The following FOXA2 variants were observed in gnomAD, a reference collection of about 807,000 sequenced individuals.
FOXA2 encodes the protein forkhead box A2, also known as hepatocyte nuclear factor 3-beta.
Under a neutral mutation model 33.3 loss-of-function variants are expected in FOXA2, and 9 were observed. That is an observed-to-expected ratio of 0.27 (90% CI 0.16 to 0.47). FOXA2 has a LOEUF of 0.47. FOXA2 is among the 20% of genes least tolerant of loss of function. The probability of loss-of-function intolerance (pLI) is 0.99; values close to 1 mark genes in which losing one functional copy is unlikely to be tolerated. For missense variants in FOXA2, 704 were observed against 659.9 expected, an observed-to-expected ratio of 1.07 and a Z score of -0.73; for synonymous variants, 329 against 289.4, an observed-to-expected ratio of 1.14 and a Z score of -1.39.
intron 1 of FOXA2, 88 bp downstream of exon 1, chr20:22,584,104 G>A: frequency 7.7e-7 from 1 of 1,292,504 alleles, no homozygotes; most frequent in Non-Finnish European, 1.1e-6. Flanking sequence ...GGCGGGGTGG[G>A]GGGGTGCCAG....
intron 1 of FOXA2, 84 bp downstream of exon 1, chr20:22,584,108 G>A: frequency 2.3e-6 from 3 of 1,328,192 alleles, no homozygotes; most frequent in South Asian, 1.2e-5. Context: ...GGGTGGGGGG[G>A]TGCCAGCGAG....
chr20:22,583,604 A>G (rs949219569), intron 1 of FOXA2, among the ~76,000 whole-genome samples: 2 of 152,196 alleles, frequency 1.3e-5, no homozygotes, highest in African/African-American at 4.8e-5. Flanking sequence ...CCTCCAGCGA[A>G]GACTGTCCCG....
rs137956508 is a variant in FOXA2 at position 22,581,952 on chromosome 20, C to T, written c.1290G>A (p.Met430Ile). 40 of 1,612,348 alleles carry T rather than the reference C, an allele frequency of 2.5e-5. No individual in the cohort carries two copies. In the African/African-American group the frequency reaches 4.7e-4, roughly 19 times the overall value. Residue 430 changes from methionine (M) to isoleucine (I), a missense_variant, in exon 2 of 2, where the codon ATG becomes ATA. This residue lies in a region of FOXA2 where 343 missense variants were observed against 274.8 expected (regional missense o/e 1.25). Coordinates refer to ENST00000419308, the MANE Select transcript of FOXA2 (RefSeq NM_021784.5). Reference sequence around the variant, plus strand: ...GGCCCGTTTTGTTCGTGACCGGGCCCATGGCCAAGCTGCCAGGCATGGGGG... The same window carrying T: ...GGCCCGTTTTGTTCGTGACCGGGCCTATGGCCAAGCTGCCAGGCATGGGGG... The part of the protein sequence containing the change: ...YGSPMPGSLA[M>I]GPVTNKTGLD...
Position 22,584,227 on chromosome 20 carries a change from G to T in FOXA2, c.52C>A (p.Pro18Thr). Reference protein sequence around the residue: ...LGAVKMEGHEPSDWSSYYAEP... With the variant: ...LGAVKMEGHETSDWSSYYAEP... ...GCATAGTAGCTGCTCCAGTCGGACG[G>T]CTCGTGCCCTTCCATCTTCACCGCT... Residue 18 changes from proline to threonine, a missense_variant, in exon 1 of 2, where the codon CCG becomes ACG. Coordinates refer to ENST00000419308, the MANE Select transcript of FOXA2 (RefSeq NM_021784.5). The T allele has an allele frequency of 6.2e-7, 1 of 1,613,988 alleles. No homozygotes were observed. Among genetic ancestry groups the T allele is most frequent in the Non-Finnish European group, 8.5e-7 (1 of 1,180,000 alleles).
At position 22,583,040 on chromosome 20, in the gene FOXA2, A is replaced by G. The variant is rs918438801; in HGVS notation, c.202T>C (p.Ser68Pro). The change falls in exon 2 of 2, where the codon TCC becomes CCC. Residue 68 changes from serine (S) to proline (P), a missense_variant. By Grantham distance (74) the Ser-to-Pro change is moderately conservative. Transcript: ENST00000419308. ...GSGSGNMSAG[S>P]MNMSSYVGAG... is the part of the protein sequence containing the mutation. ...CCCACGTACGACGACATGTTCATGG[A>G]GCCCGCGCTCATGTTGCCCGAGCCG... The G allele has an allele frequency of 5.0e-6, 8 of 1,609,830 alleles. No homozygotes were observed. The highest frequency in any genetic ancestry group is 5.9e-6 in the Non-Finnish European group (7 of 1,179,732).
Position 22,582,425 on chromosome 20 carries a change from C to A in FOXA2, c.817G>T (p.Ala273Ser), listed in dbSNP as rs536752861. Residue 273 changes from alanine (A) to serine (S), a missense_variant, in exon 2 of 2, where the codon GCA (alanine) becomes TCA (serine). By Grantham distance (99) the Ala-to-Ser change is moderately conservative (BLOSUM62 1). Coordinates refer to ENST00000419308, the MANE Select transcript of FOXA2 (RefSeq NM_021784.5). Reference sequence around the variant, plus strand: ...TTCTTGCCGCTGCCGGCGGCGCCTGCGGCCTCCTTCAGCGCCAGCTGCTTC... The same window carrying A: ...TTCTTGCCGCTGCCGGCGGCGCCTGAGGCCTCCTTCAGCGCCAGCTGCTTC... The part of the protein sequence containing the change: ...CEKQLALKEA[A>S]GAAGSGKKAA... 6 of 1,587,242 alleles carry A rather than the reference C, an allele frequency of 3.8e-6. No homozygotes were observed. The highest frequency in any genetic ancestry group is 2.3e-5 in the East Asian group (1 of 44,402).
chr20:22,584,663 T>C (rs181438606), upstream of FOXA2, among the ~76,000 whole-genome samples: 3 of 6,814 alleles, frequency 4.4e-4, no homozygotes, highest in South Asian at 3.8e-3. Flanking sequence ...GAGGAGGCGG[T>C]GGTGGTGGTG....
intron 1 of FOXA2, 106 bp downstream of exon 1, chr20:22,584,086 G>T: frequency 1.8e-6 from 2 of 1,086,142 alleles, no homozygotes; most frequent in Admixed American, 1.7e-5. Flanking sequence ...GAAAGGCTGG[G>T]GTTGTGGGGC....
chr20:22,583,151 A>G lies in FOXA2; in HGVS notation c.91T>C (p.Tyr31His). 6.2e-7 allele frequency: 1 copy of G among 1,601,226 alleles called. No individual in the cohort carries two copies. The highest frequency in any genetic ancestry group is 1.3e-5 in the African/African-American group (1 of 75,058). ...WSSYYAEPEG[Y>H]SSVSNMNAGL... is the part of the protein sequence containing the mutation. The stretch of plus-strand genomic sequence containing the variant: ...GCGTTCATGTTGCTCACGGAGGAGT[A>G]GCCCTGCGGACAGAGCCCCGGGAGG... Residue 31 changes from tyrosine (Y) to histidine (H), a missense_variant, in exon 2 of 2, where the codon TAC becomes CAC. Physicochemically the swap from Tyr to His is moderately conservative, Grantham distance 83. This residue lies in a region of FOXA2 where 304 missense variants were observed against 251.7 expected (regional missense o/e 1.21). Coordinates refer to ENST00000419308, the MANE Select transcript of FOXA2 (RefSeq NM_021784.5).
At chr20:22,583,282 G>T in intron 1 of FOXA2, 128 bp from the exon 2 acceptor site, 1 of 936,976 alleles carries the variant, frequency 1.1e-6, no homozygotes, top group Non-Finnish European at 1.7e-6. Context: ...CGTCCCCGAT[G>T]GCCCAGTCTC....
In FOXA2 at chr20:22,581,955, G is replaced by A; in HGVS notation, c.1287C>T (p.Ala429=). The change falls in exon 2 of 2, where the codon GCC becomes GCT. Residue 429 remains alanine (A), a synonymous_variant. Transcript: ENST00000419308. ...GYGSPMPGSL[A]MGPVTNKTGL... Reference sequence around the variant, plus strand: ...CCGTTTTGTTCGTGACCGGGCCCATGGCCAAGCTGCCAGGCATGGGGGAAC... The same window carrying A: ...CCGTTTTGTTCGTGACCGGGCCCATAGCCAAGCTGCCAGGCATGGGGGAAC... 2 of 1,612,566 alleles carry A rather than the reference G, an allele frequency of 1.2e-6. No individual in the cohort carries two copies. The highest frequency in any genetic ancestry group is 1.7e-6 in the Non-Finnish European group (2 of 1,178,654).
At position 22,582,344 on chromosome 20, in the gene FOXA2, C is replaced by A. The variant is rs1383737560; in HGVS notation, c.898G>T (p.Ala300Ser). 3 of 1,479,990 alleles carry A rather than the reference C, an allele frequency of 2.0e-6. No homozygotes were observed. Among genetic ancestry groups the A allele is most frequent in the Non-Finnish European group, 2.7e-6 (3 of 1,124,286 alleles). The allele number at this position is 1,479,990 out of a possible 1,614,324, so 91.7% of individuals were successfully genotyped here. The change falls in exon 2 of 2, where the codon GCC becomes TCC. Residue 300 changes from alanine to serine, a missense_variant. By Grantham distance (99) the Ala-to-Ser change is moderately conservative (BLOSUM62 1). This residue lies in a region of FOXA2 where 343 missense variants were observed against 274.8 expected (regional missense o/e 1.25). Coordinates refer to ENST00000419308, the MANE Select transcript of FOXA2 (RefSeq NM_021784.5). Reference sequence around the variant, plus strand: ...TCGGTGCCCGCCGGAGTCTCGGAGGCCGGCCCGGCGGCCTCCCCGAGTTGA... The same window carrying A: ...TCGGTGCCCGCCGGAGTCTCGGAGGACGGCCCGGCGGCCTCCCCGAGTTGA... ...QAQLGEAAGP[A>S]SETPAGTESP...
In FOXA2 at chr20:22,581,368, C is replaced by T. The variant is rs901678287; in HGVS notation, c.*482G>A. 6.6e-6 allele frequency: 1 copy of T among 152,602 alleles called. No individual in the cohort carries two copies. Among genetic ancestry groups the T allele is most frequent in the Non-Finnish European group, 1.5e-5 (1 of 68,568 alleles). The allele number at this position is 152,602 out of a possible 1,614,324, so 9.5% of individuals were successfully genotyped here. A position where few individuals can be genotyped will look rare whatever the true frequency, so the allele number is the denominator to read the frequency against. ...CTTTTTCTTGGTCATTTACAACAGA[C>T]CCTTACATTATTTTTTTTCCTGTTT... On this transcript the variant is annotated 3_prime_UTR_variant, in exon 2 of 2. Coordinates refer to ENST00000419308, the MANE Select transcript of FOXA2 (RefSeq NM_021784.5).
rs758482850 is a variant in FOXA2 at position 22,583,026 on chromosome 20, C to A, written c.216G>T (p.Ser72=). The part of the protein sequence containing the change: ...GNMSAGSMNM[S]SYVGAGMSPS... ...GGCTCATGCCAGCGCCCACGTACGA[C>A]GACATGTTCATGGAGCCCGCGCTCA... is the stretch of plus-strand genomic sequence containing the variant. Residue 72 remains serine (S), a synonymous_variant, in exon 2 of 2, where the codon TCG becomes TCT. Transcript: ENST00000419308. The A allele has an allele frequency of 3.0e-5, 48 of 1,609,850 alleles. No individual in the cohort carries two copies. In the Middle Eastern group the frequency reaches 9.9e-4, roughly 33 times the overall value.
Position 22,581,719 on chromosome 20 carries a change from G to T in FOXA2, c.*131C>A. 1.2e-6 allele frequency: 1 copy of T among 818,802 alleles called. No homozygotes were observed. The highest frequency in any genetic ancestry group is 2.0e-6 in the Non-Finnish European group (1 of 497,144). 50.7% of individuals were successfully genotyped at this position (818,802 alleles called of 1,614,324 possible). ...CTGCTGTCTTGGGGGTGTTGGGGTGGGGGTGTTATGGATTTCTTCTCCCTT... is the reference window on the plus strand; with the variant it reads ...CTGCTGTCTTGGGGGTGTTGGGGTGTGGGTGTTATGGATTTCTTCTCCCTT... On this transcript the variant is annotated 3_prime_UTR_variant, in exon 2 of 2. Transcript: ENST00000419308.
intron 1 of FOXA2, among the ~76,000 whole-genome samples, chr20:22,583,411 T>C (rs1171937479): frequency 6.6e-6 from 1 of 152,208 alleles, no homozygotes; most frequent in Non-Finnish European, 1.5e-5. Context: ...CTCGCCCAGA[T>C]TCTAGAACAG....
At position 22,582,967 on chromosome 20, in the gene FOXA2, G is replaced by T. The variant is rs1181353653; in HGVS notation, c.275C>A (p.Ala92Asp). ...SLAGMSPGAGAMAGMGGSAGA... is the reference protein window; with the variant it reads ...SLAGMSPGAGDMAGMGGSAGA... ...GGCCGAGCCGCCCATGCCCGCCATG[G>T]CGCCCGCGCCGGGGGACATCCCCGC... Residue 92 changes from alanine (A) to aspartate (D), a missense_variant, in exon 2 of 2, where the codon GCC becomes GAC. Physicochemically the swap from Ala to Asp is moderately radical, Grantham distance 126. This residue lies in a region of FOXA2 where 304 missense variants were observed against 251.7 expected (regional missense o/e 1.21). Transcript: ENST00000419308. 1.9e-5 allele frequency: 30 copies of T among 1,600,460 alleles called. No homozygotes were observed. Among genetic ancestry groups the T allele is most frequent in the Non-Finnish European group, 2.5e-5 (29 of 1,176,476 alleles).
upstream of FOXA2, among the ~76,000 whole-genome samples, chr20:22,585,108 G>A (rs948844338): frequency 1.3e-5 from 2 of 152,190 alleles, no homozygotes; most frequent in African/African-American, 4.8e-5. Context: ...CGCCCGGTGC[G>A]CCTGTCGGAG....
intron 1 of FOXA2, 71 bp from the exon 2 acceptor site, chr20:22,583,225 C>G: frequency 6.4e-7 from 1 of 1,562,888 alleles, no homozygotes; most frequent in South Asian, 1.1e-5. Flanking sequence ...GACCTCCCAC[C>G]CACCGCCCAG....
Sources: gnomAD v4.1 joint callset for allele counts (sites outside exome capture counted in the v4.1 genomes callset) on GRCh38, gnomAD v4.1.1 for gene constraint, gnomAD v4.1.1 regional missense constraint, MANE v1.5 for transcripts, NCBI Gene and HGNC (gene_info 2026-07-23, HGNC 2026-07-21) for gene names.